Variants in DOCK2 observed in about 807,000 individuals in gnomAD.
The protein encoded by DOCK2 is dedicator of cytokinesis protein 2.
DOCK2 carries 87 observed loss-of-function variants against 248.9 expected under a neutral mutation model. The ratio of observed to expected loss-of-function variants is 0.35; its 90% confidence interval spans 0.29 to 0.42. DOCK2 has a LOEUF of 0.42. Among genes scored for constraint, DOCK2 ranks in the 10% least tolerant of loss-of-function variants. DOCK2 has a pLI of 1.00. For synonymous variants in DOCK2, 805 were observed against 821.6 expected, an observed-to-expected ratio of 0.98 and a Z score of 0.35; for missense variants, 1,747 against 2,300.2, an observed-to-expected ratio of 0.76 and a Z score of 4.92.
chr5:169,728,259 C>G (rs151181918), intron 22 of DOCK2, among the ~76,000 whole-genome samples: 1 of 151,916 alleles, frequency 6.6e-6, no homozygotes. Flanking sequence ...TTGGCAGAAC[C>G]GGATGAAAAT....
At chr5:169,893,715 CCAGA>C (rs1490266400) in intron 27 of DOCK2, among the ~76,000 whole-genome samples, 1 of 152,166 alleles carries the variant, frequency 6.6e-6, no homozygotes, top group Admixed American at 6.5e-5. Flanking sequence ...CAACAGGAAG[CCAGA>C]CAGACAATGA....
At chr5:170,020,935 T>G (rs1755699763) in intron 33 of DOCK2, among the ~76,000 whole-genome samples, 1 of 152,248 alleles carries the variant, frequency 6.6e-6, no homozygotes, top group African/African-American at 2.4e-5. Flanking sequence ...ACTGAGACAT[T>G]CCATGGCAAA....
At chr5:169,802,965 C>T in intron 25 of DOCK2, 93 bp from the exon 26 acceptor site, 1 of 1,401,074 alleles carries the variant, frequency 7.1e-7, no homozygotes, top group Non-Finnish European at 9.7e-7. Context: ...TCTTCATGAA[C>T]TATTTATTTA....
rs747627282 is a variant in DOCK2 at position 169,655,720 on chromosome 5, ATACATATG to A, written c.127+1242_127+1249del. On this transcript the variant is annotated intron_variant, in intron 2 of 51. Coordinates refer to ENST00000520908, the MANE Select transcript of DOCK2 (RefSeq NM_004946.3). The stretch of plus-strand genomic sequence containing the variant: ...GACACACACAAAGACACACACAAAC[ATACATATG>A]TACATATATACACATATGCATACCT... 1.8e-4 allele frequency among the ~76,000 whole-genome samples: 28 copies of A among 152,326 alleles called. No homozygotes were observed. In the Middle Eastern group the frequency reaches 0.017, roughly 93 times the overall value.
chr5:169,976,847 G>A (rs1051143812), intron 27 of DOCK2, among the ~76,000 whole-genome samples: 2 of 152,224 alleles, frequency 1.3e-5, no homozygotes, highest in Non-Finnish European at 2.9e-5. Flanking sequence ...GATGGAACAT[G>A]TCAGGGCACA....
chr5:170,011,092 G>A (rs1346731582), intron 32 of DOCK2, among the ~76,000 whole-genome samples: 1 of 152,130 alleles, frequency 6.6e-6, no homozygotes, highest in Non-Finnish European at 1.5e-5. Flanking sequence ...ATTTTTAGCT[G>A]AGGACCAATA....
At chr5:169,709,572 T>C (rs1761463768) in intron 15 of DOCK2, among the ~76,000 whole-genome samples, 1 of 152,014 alleles carries the variant, frequency 6.6e-6, no homozygotes, top group South Asian at 2.1e-4. Flanking sequence ...CATACATAAA[T>C]GAGTCGTGCA....
chr5:169,699,494 C>G, intron 12 of DOCK2, 36 bp downstream of exon 12: 1 of 1,587,684 alleles, frequency 6.3e-7, no homozygotes, highest in Non-Finnish European at 8.6e-7. Flanking sequence ...TGAGCCTGCT[C>G]CAGCTTGGGA....
At chr5:170,032,020 A>C (rs1216071409) in intron 34 of DOCK2, among the ~76,000 whole-genome samples, 2 of 149,528 alleles carry the variant, frequency 1.3e-5, no homozygotes, top group Non-Finnish European at 3.0e-5. Flanking sequence ...GGACAAAACC[A>C]GTTGTTCTTT....
Position 169,790,085 on chromosome 5 carries a change from T to C in DOCK2, c.2555-12973T>C, listed in dbSNP as rs534362645. Among the ~76,000 whole-genome samples, 29 of 152,324 alleles carry C rather than the reference T, an allele frequency of 1.9e-4. No individual in the cohort carries two copies. In the South Asian group the frequency reaches 2.1e-3, roughly 11 times the overall value. On this transcript the variant is annotated intron_variant, in intron 25 of 51. Coordinates refer to ENST00000520908, the MANE Select transcript of DOCK2 (RefSeq NM_004946.3). ...AGGGAAGAGGAGAATCAGATGATGA[T>C]TGGAAACAATTACACAACCATTCCA...
intron 27 of DOCK2, among the ~76,000 whole-genome samples, chr5:169,908,382 C>T (rs261002): frequency 0.84 from 127,566 of 152,162 alleles, 53,879 homozygotes; most frequent in African/African-American, 0.94. Flanking sequence ...CATACTCATA[C>T]ATGCTCTAAG....
At chr5:169,676,040 G>A (rs1759316825) in intron 6 of DOCK2, among the ~76,000 whole-genome samples, 2 of 152,182 alleles carry the variant, frequency 1.3e-5, no homozygotes, top group South Asian at 4.1e-4. Flanking sequence ...GAGTGTGTGG[G>A]AATTGAGGGC....
intron 25 of DOCK2, among the ~76,000 whole-genome samples, chr5:169,784,054 T>C (rs1156239996): frequency 6.6e-6 from 1 of 152,200 alleles, no homozygotes; most frequent in Non-Finnish European, 1.5e-5. Flanking sequence ...GCTTTCAAAG[T>C]CCAGGGATGT....
At chr5:169,755,407 A>G (rs946904434) in intron 23 of DOCK2, among the ~76,000 whole-genome samples, 2 of 152,206 alleles carry the variant, frequency 1.3e-5, no homozygotes, top group African/African-American at 4.8e-5. Flanking sequence ...TAATAATGAT[A>G]CAATATTATT....
intron 25 of DOCK2, among the ~76,000 whole-genome samples, chr5:169,790,537 AG>A (rs1156355556): frequency 1.3e-5 from 2 of 152,210 alleles, no homozygotes; most frequent in Non-Finnish European, 2.9e-5. Flanking sequence ...TTCAGACCAA[AG>A]TGTAGTTTGT....
chr5:169,754,913 A>ATTT (rs1316194904), intron 23 of DOCK2, among the ~76,000 whole-genome samples: 2 of 43,862 alleles, frequency 4.6e-5, no homozygotes, highest in Admixed American at 4.5e-4. Flanking sequence ...AATGGTTCCT[A>ATTT]TTTTTTATTA....
chr5:169,800,824 G>A (rs1293665764), intron 25 of DOCK2, among the ~76,000 whole-genome samples: 1 of 152,174 alleles, frequency 6.6e-6, no homozygotes, highest in Non-Finnish European at 1.5e-5. Context: ...CAGAATCTTG[G>A]AGGGAGAGGG....
At chr5:169,893,198 A>G (rs1039771360) in intron 27 of DOCK2, among the ~76,000 whole-genome samples, 2 of 152,192 alleles carry the variant, frequency 1.3e-5, no homozygotes, top group African/African-American at 4.8e-5. Context: ...CCCTGTAGGG[A>G]CAATTCTGTG....
intron 27 of DOCK2, among the ~76,000 whole-genome samples, chr5:169,946,636 G>C (rs1462763795): frequency 6.6e-6 from 1 of 152,200 alleles, no homozygotes; most frequent in East Asian, 1.9e-4. Flanking sequence ...ATCAGCCACT[G>C]TTTCAAGGAA....
Sources: gnomAD v4.1 joint callset for allele counts (sites outside exome capture counted in the v4.1 genomes callset) on GRCh38, gnomAD v4.1.1 for gene constraint, MANE v1.5 for transcripts, NCBI Gene and HGNC (gene_info 2026-07-23, HGNC 2026-07-21) for gene names.